Variants in TMEM184B observed in about 807,000 individuals in gnomAD.
TMEM184B encodes the protein transmembrane protein 184B.
Under a neutral mutation model 41.8 loss-of-function variants are expected in TMEM184B, and 17 were observed. The observed-to-expected ratio is 0.41, with a 90% confidence interval of 0.28 to 0.61. The LOEUF is 0.61. TMEM184B is among the 20% of genes least tolerant of loss of function. The pLI is 0.34. For synonymous variants in TMEM184B, 240 were observed against 229.5 expected (o/e 1.05, Z -0.41); for missense variants, 393 against 557.8 (o/e 0.70, Z 2.98).
intron 3 of TMEM184B, among the ~76,000 whole-genome samples, chr22:38,237,549 G>A (rs1172324760): frequency 2.6e-5 from 4 of 152,246 alleles, no homozygotes; most frequent in Non-Finnish European, 1.5e-5. Context: ...TGGAAAGACT[G>A]GGGGCATTCT....
At chr22:38,265,126 TG>T (rs938831993) in intron 1 of TMEM184B, among the ~76,000 whole-genome samples, 2 of 152,324 alleles carry the variant, frequency 1.3e-5, no homozygotes, top group Non-Finnish European at 2.9e-5. Context: ...CCACATGCTC[TG>T]GGAAGTGGTC....
intron 3 of TMEM184B, among the ~76,000 whole-genome samples, chr22:38,242,449 G>A (rs1442431696): frequency 6.6e-6 from 1 of 152,080 alleles, no homozygotes; most frequent in East Asian, 1.9e-4. Context: ...TTGCACTCCA[G>A]CCTGGGCGAC....
At chr22:38,244,835 A>G (rs5756986) in intron 3 of TMEM184B, among the ~76,000 whole-genome samples, 88,296 of 152,046 alleles carry the variant, frequency 0.58, 27,506 homozygotes, top group African/African-American at 0.82. Flanking sequence ...GCTGGCCTCT[A>G]ACAGATGAGG....
At chr22:38,231,410 A>G (rs1156660590) in intron 3 of TMEM184B, 76 bp from the exon 4 acceptor site, 2 of 1,211,814 alleles carry the variant, frequency 1.7e-6, no homozygotes, top group Admixed American at 1.7e-5. Context: ...CTAAACAGCA[A>G]TGGAGGTGAA....
intron 1 of TMEM184B, among the ~76,000 whole-genome samples, chr22:38,259,123 C>A (rs1196438118): frequency 6.6e-6 from 1 of 152,190 alleles, no homozygotes; most frequent in African/African-American, 2.4e-5. Flanking sequence ...ATAAGCTACG[C>A]AGCTATGTCG....
rs1424577444 is a variant in TMEM184B, at chr22:38,230,722, A to G, written c.472T>C (p.Cys158Arg). Residue 158 changes from cysteine to arginine, a missense_variant, in exon 5 of 9, where the codon TGC becomes CGC. Cys to Arg is a radical substitution (Grantham distance 180). This residue lies in a region of TMEM184B where 271 missense variants were observed against 434.1 expected (regional missense o/e 0.62). Coordinates refer to ENST00000361906, the MANE Select transcript of TMEM184B (RefSeq NM_012264.5). ...GAATAAGTCTTTCCCCAGAGGCAGC[A>G]GGTGCCATACATACAGCTGGACCTG... ...PIESSCMYGTCCLWGKTYSIG... is the reference protein window; with the variant it reads ...PIESSCMYGTRCLWGKTYSIG... 3.1e-6 allele frequency: 5 copies of G among 1,612,304 alleles called. No individual in the cohort carries two copies. In the Admixed American group the frequency reaches 8.4e-5, roughly 27 times the overall value.
At chr22:38,222,717 C>T (rs2091295217) in intron 8 of TMEM184B, 1 of 985,574 alleles carries the variant, frequency 1.0e-6, no homozygotes, top group African/African-American at 1.7e-5. Context: ...GGGAGAGAAG[C>T]CAAAGAAATA....
At chr22:38,230,449 C>T (rs2091578951) in intron 5 of TMEM184B, among the ~76,000 whole-genome samples, 1 of 152,222 alleles carries the variant, frequency 6.6e-6, no homozygotes. Flanking sequence ...CAGCTCTTGC[C>T]CACAGTGCAA....
chr22:38,243,195 TCCTGGAGGA>T (rs1452415546), intron 3 of TMEM184B, among the ~76,000 whole-genome samples: 1 of 152,100 alleles, frequency 6.6e-6, no homozygotes, highest in Non-Finnish European at 1.5e-5. Context: ...GTGGCCGACT[TCCTGGAGGA>T]CCTCTCCCCG....
intron 1 of TMEM184B, 21 bp from the exon 2 acceptor site, chr22:38,248,040 T>C (rs2092077789): frequency 6.8e-7 from 1 of 1,476,160 alleles, no homozygotes; most frequent in African/African-American, 1.4e-5. Context: ...GAAATTGCAA[T>C]GTGAGTCTCC....
At chr22:38,263,353 G>A (rs1450773438) in intron 1 of TMEM184B, among the ~76,000 whole-genome samples, 3 of 152,096 alleles carry the variant, frequency 2.0e-5, no homozygotes, top group African/African-American at 7.2e-5. Context: ...GAGACCCCCT[G>A]GGCATAGACA....
Position 38,220,791 on chromosome 22 carries a change from G to A in TMEM184B, c.*678C>T. ...GGCAGGCAGAGGTGTGGCCACGACA[G>A]GTGGGGATACCCAGGGGCCCAGAAG... On this transcript the variant is annotated 3_prime_UTR_variant, in exon 9 of 9. Coordinates refer to ENST00000361906, the MANE Select transcript of TMEM184B (RefSeq NM_012264.5). 1.0e-6 allele frequency: 1 copy of A among 986,154 alleles called. No homozygotes were observed. The highest frequency in any genetic ancestry group is 4.7e-5 in the South Asian group (1 of 21,298). The allele number at this position is 986,154 out of a possible 1,614,324, so 61.1% of individuals were successfully genotyped here.
At position 38,221,198 on chromosome 22, in the gene TMEM184B, C is replaced by T. The variant is rs181745898; in HGVS notation, c.*271G>A. 453 of 1,310,720 alleles carry T rather than the reference C, an allele frequency of 3.5e-4. 3 individuals carry two copies. The Middle Eastern group carries it at 6.7e-3, about 19-fold the overall frequency. 81.2% of individuals were successfully genotyped at this position (1,310,720 alleles called of 1,614,324 possible). ...GTCCCAGCATGCCCCCAGCACAGGA[C>T]GGGCAGCAGGGGCATAAGCCTTGCT... On this transcript the variant is annotated 3_prime_UTR_variant, in exon 9 of 9. Coordinates refer to ENST00000361906, the MANE Select transcript of TMEM184B (RefSeq NM_012264.5).
Position 38,219,510 on chromosome 22 carries a change from T to A in TMEM184B, c.*1959A>T. The A allele has an allele frequency of 1.0e-6, 1 of 985,312 alleles. No individual in the cohort carries two copies. The highest frequency in any genetic ancestry group is 1.2e-6 in the Non-Finnish European group (1 of 829,830). The allele number at this position is 985,312 out of a possible 1,614,324, so 61.0% of individuals were successfully genotyped here. A position where few individuals can be genotyped will look rare whatever the true frequency, so the allele number is the denominator to read the frequency against. ...GTATTCTTTATGTACAAAGAGCTAC[T>A]CTACCTGGAAAGAAAATTAAAAAAA... On this transcript the variant is annotated 3_prime_UTR_variant, in exon 9 of 9. Coordinates refer to ENST00000361906, the MANE Select transcript of TMEM184B (RefSeq NM_012264.5).
chr22:38,245,385 C>T (rs1316082924), intron 3 of TMEM184B, among the ~76,000 whole-genome samples: 10 of 142,840 alleles, frequency 7.0e-5, no homozygotes, highest in African/African-American at 2.6e-4. Flanking sequence ...AGGTACCTGC[C>T]TGAGACGCCA....
At chr22:38,272,562 G>C (rs960578437) in intron 1 of TMEM184B, 3 of 985,616 alleles carry the variant, frequency 3.0e-6, no homozygotes, top group African/African-American at 3.5e-5. Context: ...AAAGCGCCTT[G>C]GTCCATCCGC....
intron 1 of TMEM184B, among the ~76,000 whole-genome samples, chr22:38,257,269 T>C (rs1000264266): frequency 3.9e-5 from 6 of 152,190 alleles, no homozygotes; most frequent in Non-Finnish European, 5.9e-5. Context: ...TTGGACTCGC[T>C]TGTTAAGAAT....
chr22:38,227,754 A>G (rs2091487377), intron 5 of TMEM184B, among the ~76,000 whole-genome samples: 1 of 152,098 alleles, frequency 6.6e-6, no homozygotes, highest in South Asian at 2.1e-4. Flanking sequence ...CGGGGATGGC[A>G]CAGCCAGGAA....
Position 38,219,518 on chromosome 22 carries a change from G to T in TMEM184B, c.*1951C>A. On this transcript the variant is annotated 3_prime_UTR_variant, in exon 9 of 9. Transcript: ENST00000361906. ...TATGTACAAAGAGCTACTCTACCTGGAAAGAAAATTAAAAAAAAAAAAGAC... is the reference window on the plus strand; with the variant it reads ...TATGTACAAAGAGCTACTCTACCTGTAAAGAAAATTAAAAAAAAAAAAGAC... The T allele has an allele frequency of 2.0e-6, 2 of 985,020 alleles. No homozygotes were observed. Among genetic ancestry groups the T allele is most frequent in the Non-Finnish European group, 2.4e-6 (2 of 829,796 alleles). The allele number at this position is 985,020 out of a possible 1,614,324, so 61.0% of individuals were successfully genotyped here.
Sources: gnomAD v4.1 joint callset for allele counts (sites outside exome capture counted in the v4.1 genomes callset) on GRCh38, gnomAD v4.1.1 for gene constraint, gnomAD v4.1.1 regional missense constraint, MANE v1.5 for transcripts, NCBI Gene and HGNC (gene_info 2026-07-23, HGNC 2026-07-21) for gene names.